The following CFAP77 variants were observed in gnomAD, a reference collection of about 807,000 sequenced individuals.
CFAP77 encodes cilia and flagella associated protein 77, also known as cilia- and flagella-associated protein 77.
CFAP77 carries 25 observed loss-of-function variants against 31.1 expected under a neutral mutation model. The observed-to-expected ratio is 0.80, with a 90% CI of 0.59 to 1.12. The LOEUF (loss-of-function observed/expected upper bound fraction) is 1.12. Among genes scored for constraint, CFAP77 ranks in the 50% most tolerant of loss-of-function variants. The pLI, the probability that CFAP77 is intolerant of heterozygous loss-of-function variation, is 0.00. For synonymous variants in CFAP77, 151 were observed against 159.9 expected (o/e 0.94, Z 0.42); for missense variants, 377 against 397.3 (o/e 0.95, Z 0.44).
In CFAP77 at chr9:132,410,308, C is replaced by T; in HGVS notation, c.37C>T (p.Arg13Ter). ...EARSSGPDLT[R>*]WRKQQQPVRR... ...CAGGAGCTCCGGCCCGGACCTCACG[C>T]GATGGAGGAAGCAGCAGCAGCCTGT... is the stretch of plus-strand genomic sequence containing the variant. The change falls in exon 1 of 6, where the codon CGA becomes TGA. Residue 13 changes from arginine (R) to a stop codon, truncating the protein, a stop_gained. Transcript: ENST00000393216. LOFTEE classifies it high-confidence loss of function. 6.3e-7 allele frequency: 1 copy of T among 1,594,232 alleles called. No homozygotes were observed. Among genetic ancestry groups the T allele is most frequent in the East Asian group, 2.3e-5 (1 of 43,094 alleles).
Position 132,410,218 on chromosome 9 carries a change from G to A in CFAP77, c.-54G>A, listed in dbSNP as rs970464216. Reference sequence around the variant, plus strand: ...TTCGGAGCTCCAGGCTGTGCCCGACGTGGGGAAGCGCGCCCAAACCAGCCC... The same window carrying A: ...TTCGGAGCTCCAGGCTGTGCCCGACATGGGGAAGCGCGCCCAAACCAGCCC... On this transcript the variant is annotated 5_prime_UTR_variant, in exon 1 of 6. In the 5' UTR this introduces an upstream ATG that the reference lacks. Coordinates refer to ENST00000393216, the MANE Select transcript of CFAP77 (RefSeq NM_001282957.2). 19 of 1,446,190 alleles carry A rather than the reference G, an allele frequency of 1.3e-5. No homozygotes were observed. Among genetic ancestry groups the A allele is most frequent in the African/African-American group, 1.0e-4 (7 of 67,418 alleles). The allele number at this position is 1,446,190 out of a possible 1,614,324, so 89.6% of individuals were successfully genotyped here.
intron 3 of CFAP77, among the ~76,000 whole-genome samples, chr9:132,500,769 T>C (rs1340026681): frequency 6.6e-6 from 1 of 152,210 alleles, no homozygotes; most frequent in East Asian, 1.9e-4. Context: ...CATGTCCCAA[T>C]GGGTCCACAT....
Position 132,518,972 on chromosome 9 carries a change from C to T in CFAP77, c.525-18629C>T, listed in dbSNP as rs1852197578. Among the ~76,000 whole-genome samples the T allele has an allele frequency of 2.0e-5, 3 of 152,276 alleles. No individual in the cohort carries two copies. The South Asian group carries it at 6.2e-4, about 32-fold the overall frequency. On this transcript the variant is annotated intron_variant, in intron 3 of 5. Coordinates refer to ENST00000393216, the MANE Select transcript of CFAP77 (RefSeq NM_001282957.2). ...GTGGCGTTCCCTGGGCCTCAGATTT[C>T]TCATCTGTAAAGTGAGGATATTGAT...
intron 3 of CFAP77, among the ~76,000 whole-genome samples, chr9:132,521,905 G>T (rs1222063650): frequency 6.6e-6 from 1 of 151,422 alleles, no homozygotes; most frequent in Non-Finnish European, 1.5e-5. Flanking sequence ...TAGACTACAG[G>T]TGCACGCCAC....
At chr9:132,540,654 C>A (rs1313980028) in intron 4 of CFAP77, among the ~76,000 whole-genome samples, 1 of 152,118 alleles carries the variant, frequency 6.6e-6, no homozygotes, top group African/African-American at 2.4e-5. Context: ...TATTTTTATG[C>A]TGGATTTGGT....
chr9:132,442,467 C>T (rs1850628766), intron 1 of CFAP77, among the ~76,000 whole-genome samples: 1 of 151,940 alleles, frequency 6.6e-6, no homozygotes, highest in African/African-American at 2.4e-5. Context: ...GTGGGAGGAT[C>T]GCTTGAGCCC....
chr9:132,468,966 G>A (rs12002378), intron 1 of CFAP77, among the ~76,000 whole-genome samples: 15,637 of 152,088 alleles, frequency 0.1, 886 homozygotes, highest in African/African-American at 0.16. Context: ...AATGATCTGG[G>A]GAAAGAGACC....
chr9:132,476,846 G>A (rs892025799), intron 1 of CFAP77, among the ~76,000 whole-genome samples: 16 of 152,204 alleles, frequency 1.1e-4, no homozygotes, highest in African/African-American at 3.4e-4. Context: ...AACCACTGCT[G>A]CTAACACCTT....
chr9:132,545,257 G>A lies in CFAP77; in HGVS notation c.732+2210G>A, dbSNP rs1169968951. ...CCTCCTGTGCCATGCCAGGCACTGT[G>A]TGAGGTCATGTGTGCATATTACTTC... is the stretch of plus-strand genomic sequence containing the variant. On this transcript the variant is annotated intron_variant, in intron 5 of 5. Transcript: ENST00000393216. The surrounding 1 kb of genome is among the most constrained non-coding windows in gnomAD (Gnocchi z 4.6). 1.3e-5 allele frequency among the ~76,000 whole-genome samples: 2 copies of A among 152,244 alleles called. No individual in the cohort carries two copies. The highest frequency in any genetic ancestry group is 2.9e-5 in the Non-Finnish European group (2 of 68,046).
intron 1 of CFAP77, among the ~76,000 whole-genome samples, chr9:132,425,978 T>C (rs1850305705): frequency 6.6e-6 from 1 of 152,234 alleles, no homozygotes; most frequent in Non-Finnish European, 1.5e-5. Flanking sequence ...CGGGTCATTA[T>C]ACCATTGAAA....
chr9:132,568,768 T>C (rs1829920004), intron 5 of CFAP77, among the ~76,000 whole-genome samples: 1 of 152,032 alleles, frequency 6.6e-6, no homozygotes, highest in Admixed American at 6.5e-5. Context: ...GGCATGACAA[T>C]GGCTCATTGC....
intron 3 of CFAP77, among the ~76,000 whole-genome samples, chr9:132,532,702 G>A (rs1852474790): frequency 6.6e-6 from 1 of 152,058 alleles, no homozygotes; most frequent in African/African-American, 2.4e-5. Flanking sequence ...GTGAAATTAA[G>A]TCACAGGGTA....
At chr9:132,504,341 C>T (rs1452387877) in intron 3 of CFAP77, among the ~76,000 whole-genome samples, 1 of 152,210 alleles carries the variant, frequency 6.6e-6, no homozygotes, top group Non-Finnish European at 1.5e-5. Flanking sequence ...TCAGAAAGGA[C>T]AAGCATTATC....
intron 3 of CFAP77, among the ~76,000 whole-genome samples, chr9:132,500,272 C>T (rs1851820383): frequency 6.6e-6 from 1 of 152,122 alleles, no homozygotes; most frequent in Admixed American, 6.6e-5. Context: ...GGAGCCTGGG[C>T]TCAAACGTGG....
Position 132,497,144 on chromosome 9 carries a change from G to T in CFAP77, c.196-1551G>T, listed in dbSNP as rs912314578. Among the ~76,000 whole-genome samples, 1 of 152,078 alleles carries T rather than the reference G, an allele frequency of 6.6e-6. No homozygotes were observed. Among genetic ancestry groups the T allele is most frequent in the African/African-American group, 2.4e-5 (1 of 41,384 alleles). ...GAGTGGGTTTGTCTATCTCAACAGG[G>T]GGTGCTGTGGGGGAGCCTGGGAGGC... is the stretch of plus-strand genomic sequence containing the variant. On this transcript the variant is annotated intron_variant, in intron 1 of 5. Coordinates refer to ENST00000393216, the MANE Select transcript of CFAP77 (RefSeq NM_001282957.2). The surrounding 1 kb of genome is among the most constrained non-coding windows in gnomAD (Gnocchi z 4.9).
chr9:132,466,983 G>A (rs2131731520), intron 1 of CFAP77, among the ~76,000 whole-genome samples: 1 of 152,286 alleles, frequency 6.6e-6, no homozygotes, highest in South Asian at 2.1e-4. Context: ...TTTGAGACCA[G>A]CCCGGACAAC....
intron 3 of CFAP77, among the ~76,000 whole-genome samples, chr9:132,533,145 C>T (rs984057717): frequency 3.9e-5 from 6 of 152,172 alleles, no homozygotes; most frequent in East Asian, 1.9e-4. Context: ...GTGACTGAAT[C>T]GGAGGTGCCC....
In CFAP77 at chr9:132,481,744, G is replaced by GT. The variant is rs1466533253; in HGVS notation, c.196-16947dup. Among the ~76,000 whole-genome samples the GT allele has an allele frequency of 1.3e-5, 2 of 152,198 alleles. No individual in the cohort carries two copies. Among genetic ancestry groups the GT allele is most frequent in the Non-Finnish European group, 2.9e-5 (2 of 68,038 alleles). On this transcript the variant is annotated intron_variant, in intron 1 of 5. Coordinates refer to ENST00000393216, the MANE Select transcript of CFAP77 (RefSeq NM_001282957.2). The surrounding 1 kb of genome is among the most constrained non-coding windows in gnomAD (Gnocchi z 5.0). ...GACCCCAGCCTTATTAACAGGCTTC[G>GT]TTTTAGGGACGCCTCCTCCGCCTCA...
rs542059347 is a variant in CFAP77, at chr9:132,477,875, G to C, written c.196-20820G>C. ...GCATTCACGAGGGAGGAGCCACTGA[G>C]ACAACCAATCTGGGGGCAGCGGGGC... On this transcript the variant is annotated intron_variant, in intron 1 of 5. Coordinates refer to ENST00000393216, the MANE Select transcript of CFAP77 (RefSeq NM_001282957.2). 1.2e-4 allele frequency among the ~76,000 whole-genome samples: 19 copies of C among 152,310 alleles called. 1 individual carries two copies. Among genetic ancestry groups the C allele is most frequent in the African/African-American group, 4.6e-4 (19 of 41,566 alleles).
Sources: allele counts gnomAD v4.1 joint callset (sites outside exome capture counted in the v4.1 genomes callset), GRCh38; gene constraint gnomAD v4.1.1; non-coding constraint Gnocchi (gnomAD v3.1); transcripts MANE v1.5; gene names NCBI Gene and HGNC (gene_info 2026-07-23, HGNC 2026-07-21).